NRG1: variants seen among roughly 807,000 people sequenced by gnomAD.
NRG1 encodes pro-neuregulin-1, membrane-bound isoform.
A neutral mutation model predicts 63.8 loss-of-function variants in NRG1; 18 were observed. That is an observed-to-expected ratio of 0.28 (90% CI 0.19 to 0.42). The LOEUF (loss-of-function observed/expected upper bound fraction) is 0.42, where lower values mean the gene tolerates loss of function less well. Among genes scored for constraint, NRG1 ranks in the 10% least tolerant of loss-of-function variants. The pLI is 1.00. For synonymous variants in NRG1, 302 were observed against 301.3 expected (o/e 1.00, Z -0.02); for missense variants, 762 against 814.7 (o/e 0.94, Z 0.79).
chr8:32,015,854 G>GT lies in NRG1; in HGVS notation c.37+376434dup, dbSNP rs1371465038. ...TCAACGTAGAAGTTTTCTCTTGTTT[G>GT]TTTTTTTTTTTATTCTGAGTTATTT... On this transcript the variant is annotated intron_variant, in intron 1 of 10. Coordinates refer to the NRG1 transcript ENST00000519301. Among the ~76,000 whole-genome samples the GT allele has an allele frequency of 4.2e-3, 630 of 148,902 alleles. 2 individuals are homozygous for GT. Among genetic ancestry groups the GT allele is most frequent in the Middle Eastern group, 7.1e-3 (2 of 282 alleles).
intron 1 of NRG1, among the ~76,000 whole-genome samples, chr8:32,338,633 G>A (rs1803648591): frequency 1.3e-5 from 2 of 152,068 alleles, no homozygotes; most frequent in African/African-American, 2.4e-5. Context: ...CATTCTCAAT[G>A]AGCCCCAAAC....
intron 1 of NRG1, among the ~76,000 whole-genome samples, chr8:32,279,754 A>T (rs1293020331): frequency 6.6e-6 from 1 of 152,230 alleles, no homozygotes; most frequent in Non-Finnish European, 1.5e-5. Flanking sequence ...TGATCTTTCT[A>T]GGTGATATTC....
At chr8:32,431,981 T>C (rs1818206101) in intron 1 of NRG1, among the ~76,000 whole-genome samples, 1 of 152,150 alleles carries the variant, frequency 6.6e-6, no homozygotes, top group Admixed American at 6.6e-5. Flanking sequence ...CGTTATTATT[T>C]ATTGGGTTGA....
chr8:31,640,175 C>T lies in NRG1; in HGVS notation c.37+744C>T, dbSNP rs367543155. 2.6e-4 allele frequency: 313 copies of T among 1,186,104 alleles called. 2 individuals are homozygous for T. The South Asian group carries it at 3.0e-3, about 11-fold the overall frequency. 73.5% of individuals were successfully genotyped at this position (1,186,104 alleles called of 1,614,324 possible). ...CCCGCGGGGGCCTCGGTGTGCTACTCGTCCCCGCCCAGCGTGGGATCGGTG... is the reference window on the plus strand; with the variant it reads ...CCCGCGGGGGCCTCGGTGTGCTACTTGTCCCCGCCCAGCGTGGGATCGGTG... On this transcript the variant is annotated intron_variant, in intron 1 of 10. Transcript: ENST00000519301. The surrounding 1 kb of genome is among the most constrained non-coding windows in gnomAD (Gnocchi z 6.3).
intron 1 of NRG1, among the ~76,000 whole-genome samples, chr8:32,317,747 T>C (rs1800930941): frequency 6.6e-6 from 1 of 152,192 alleles, no homozygotes; most frequent in Non-Finnish European, 1.5e-5. Flanking sequence ...CTAATTGTGC[T>C]CTTTTAAAGG....
intron 1 of NRG1, among the ~76,000 whole-genome samples, chr8:32,368,346 A>G (rs1028249009): frequency 6.6e-6 from 1 of 152,090 alleles, no homozygotes; most frequent in African/African-American, 2.4e-5. Flanking sequence ...AGACAGGAAG[A>G]TTGCTTGAGC....
intron 1 of NRG1, among the ~76,000 whole-genome samples, chr8:32,366,548 AG>A (rs1808013362): frequency 6.6e-6 from 1 of 151,804 alleles, no homozygotes; most frequent in Non-Finnish European, 1.5e-5. Context: ...ATGGCTGAAT[AG>A]TAATCCATTG....
chr8:31,893,574 TA>T (rs1208491687), intron 1 of NRG1, among the ~76,000 whole-genome samples: 2 of 151,512 alleles, frequency 1.3e-5, no homozygotes, highest in South Asian at 2.1e-4. Context: ...ATATAAATAA[TA>T]AAAAAATCAT....
rs36212850 is a variant in NRG1 at position 32,539,308 on chromosome 8, C to T, written c.38-56520C>T. 6.0e-3 allele frequency among the ~76,000 whole-genome samples: 912 copies of T among 152,146 alleles called. 17 individuals are homozygous for T. The highest frequency in any genetic ancestry group is 8.7e-3 in the Non-Finnish European group (590 of 67,996). ...ACTCTGGTAGCAGGAGCTGGGATGG[C>T]TGGGGGTGTGAACTGAAACTGACGC... On this transcript the variant is annotated intron_variant, in intron 1 of 10. Coordinates refer to the NRG1 transcript ENST00000519301.
At chr8:32,744,155 C>T (rs1191784241) in intron 7 of NRG1, among the ~76,000 whole-genome samples, 1 of 152,044 alleles carries the variant, frequency 6.6e-6, no homozygotes, top group Non-Finnish European at 1.5e-5. Flanking sequence ...TACCCTTGTT[C>T]TGATGCATGC....
intron 1 of NRG1, among the ~76,000 whole-genome samples, chr8:31,770,770 C>CATATATATATAT (rs4036035): frequency 1.4e-4 from 19 of 140,490 alleles, no homozygotes; most frequent in South Asian, 4.5e-4. Context: ...GTATAATAAA[C>CATATATATATAT]ATATATATAT....
At chr8:32,313,756 G>T (rs1196784006) in intron 1 of NRG1, among the ~76,000 whole-genome samples, 5 of 151,968 alleles carry the variant, frequency 3.3e-5, no homozygotes, top group African/African-American at 1.2e-4. Context: ...ACATCATAAG[G>T]CCCCCAAATC....
intron 1 of NRG1, among the ~76,000 whole-genome samples, chr8:31,881,836 A>G (rs1311001353): frequency 6.6e-6 from 1 of 152,206 alleles, no homozygotes; most frequent in Non-Finnish European, 1.5e-5. Context: ...AGAGGTGAGG[A>G]AGCTGCAGAA....
At chr8:32,733,801 A>G (rs1589484323) in intron 6 of NRG1, among the ~76,000 whole-genome samples, 2 of 152,212 alleles carry the variant, frequency 1.3e-5, no homozygotes, top group East Asian at 1.9e-4. Flanking sequence ...AGGTAATACA[A>G]ATTTAAAGAA....
intron 1 of NRG1, among the ~76,000 whole-genome samples, chr8:31,850,242 G>A (rs1827081556): frequency 6.6e-6 from 1 of 152,130 alleles, no homozygotes; most frequent in Admixed American, 6.5e-5. Context: ...ATTGGATTCT[G>A]CAATGAGGTG....
intron 1 of NRG1, among the ~76,000 whole-genome samples, chr8:31,834,145 T>C (rs1392626638): frequency 2.6e-5 from 4 of 152,204 alleles, no homozygotes; most frequent in Non-Finnish European, 5.9e-5. Flanking sequence ...TTGGCAAGTA[T>C]GTTTGTTGTC....
At chr8:32,631,267 T>G (rs1252309989) in intron 5 of NRG1, among the ~76,000 whole-genome samples, 2 of 152,176 alleles carry the variant, frequency 1.3e-5, no homozygotes, top group Non-Finnish European at 2.9e-5. Flanking sequence ...CTGTATTGAG[T>G]GCAAAAGCTT....
At chr8:32,468,760 T>C (rs566030631) in intron 1 of NRG1, among the ~76,000 whole-genome samples, 161 of 151,522 alleles carry the variant, frequency 1.1e-3, no homozygotes, top group Non-Finnish European at 2.0e-3. Flanking sequence ...GTGTTCATTA[T>C]CCATTAAAAG....
At chr8:32,718,789 A>G (rs565129648) in intron 5 of NRG1, among the ~76,000 whole-genome samples, 13 of 151,894 alleles carry the variant, frequency 8.6e-5, no homozygotes, top group African/African-American at 3.1e-4. Context: ...TTAATATATG[A>G]CTCTTTTAAT....
Sources: gnomAD v4.1 joint callset for allele counts (sites outside exome capture counted in the v4.1 genomes callset) on GRCh38, gnomAD v4.1.1 for gene constraint, Gnocchi (gnomAD v3.1) non-coding constraint, MANE v1.5 for transcripts, NCBI Gene and HGNC (gene_info 2026-07-23, HGNC 2026-07-21) for gene names.